Variants in LYPLAL1 observed in about 807,000 individuals in gnomAD.
LYPLAL1 encodes the protein lysophospholipase like 1.
A neutral mutation model predicts 19.7 loss-of-function variants in LYPLAL1; 23 were observed. The ratio of observed to expected loss-of-function variants is 1.17; its 90% confidence interval spans 0.84 to 1.65. The LOEUF (loss-of-function observed/expected upper bound fraction) is 1.65, where lower values mean the gene tolerates loss of function less well. Among genes scored for constraint, LYPLAL1 ranks in the 40% most tolerant of loss-of-function variants. LYPLAL1 has a pLI of 0.00. For missense variants in LYPLAL1, 355 were observed against 279.4 expected, an observed-to-expected ratio of 1.27 and a Z score of -1.93; for synonymous variants, 119 against 96.3, an observed-to-expected ratio of 1.24 and a Z score of -1.38.
chr1:219,181,679 G>C (rs1043257297), intron 2 of LYPLAL1, among the ~76,000 whole-genome samples: 1 of 152,104 alleles, frequency 6.6e-6, no homozygotes, highest in Non-Finnish European at 1.5e-5. Context: ...ATGGGCGTTA[G>C]ATATAGGAAT....
At chr1:219,365,703 C>A in the LYPLAL1 span, among the ~76,000 whole-genome samples, 1,150 of 152,258 alleles carry the variant, frequency 7.6e-3, 21 homozygotes, top group African/African-American at 0.026. Context: ...AAAGGAAAGA[C>A]TATCATATAA....
At chr1:219,232,898 T>A in the LYPLAL1 span, among the ~76,000 whole-genome samples, 1 of 151,532 alleles carries the variant, frequency 6.6e-6, no homozygotes, top group African/African-American at 2.4e-5. Flanking sequence ...CAAGTGTTTG[T>A]GATGATGTGG....
chr1:219,176,238 C>T (rs1248847954), intron 1 of LYPLAL1, among the ~76,000 whole-genome samples: 1 of 152,158 alleles, frequency 6.6e-6, no homozygotes, highest in African/African-American at 2.4e-5. Flanking sequence ...TTTGTTCAGT[C>T]TCTCAGATCA....
chr1:219,324,911 T>A, the LYPLAL1 span, among the ~76,000 whole-genome samples: 1 of 152,178 alleles, frequency 6.6e-6, no homozygotes, highest in Non-Finnish European at 1.5e-5. Flanking sequence ...GCTCCTTGGC[T>A]TTTTTCAAAT....
the LYPLAL1 span, among the ~76,000 whole-genome samples, chr1:219,260,675 G>A: frequency 2.0e-5 from 3 of 148,136 alleles, no homozygotes; most frequent in Non-Finnish European, 4.5e-5. Flanking sequence ...TAATATAGGT[G>A]GCATACACAC....
the LYPLAL1 span, among the ~76,000 whole-genome samples, chr1:219,347,448 G>A: frequency 6.6e-6 from 1 of 152,144 alleles, no homozygotes; most frequent in Non-Finnish European, 1.5e-5. Flanking sequence ...CTGGCAAAAA[G>A]CTGTGAGAAG....
the LYPLAL1 span, among the ~76,000 whole-genome samples, chr1:219,369,429 G>A: frequency 1.3e-5 from 2 of 152,154 alleles, no homozygotes; most frequent in East Asian, 1.9e-4. Context: ...GCATCACCAT[G>A]ACCTGCTAAT....
intron 2 of LYPLAL1, 150 bp from the exon 3 acceptor site, chr1:219,192,932 T>G: frequency 7.1e-6 from 5 of 706,154 alleles, no homozygotes; most frequent in Non-Finnish European, 8.8e-6. Context: ...ACAATATACA[T>G]GAGAGTAGTT....
At chr1:219,273,374 A>G in the LYPLAL1 span, 1 of 152,244 alleles carries the variant, frequency 6.6e-6, no homozygotes, top group Non-Finnish European at 1.5e-5. Flanking sequence ...AATAAACTTC[A>G]TTCATAATCA....
chr1:219,174,257 A>C, intron 1 of LYPLAL1: 3 of 1,339,644 alleles, frequency 2.2e-6, no homozygotes, highest in East Asian at 3.1e-5. Flanking sequence ...TCCCCACAAC[A>C]CACCTCCCCA....
chr1:219,284,776 GT>G, the LYPLAL1 span, among the ~76,000 whole-genome samples: 2 of 152,218 alleles, frequency 1.3e-5, no homozygotes, highest in African/African-American at 2.4e-5. Flanking sequence ...CCACAGGAGA[GT>G]TGGGGCTGGC....
the LYPLAL1 span, among the ~76,000 whole-genome samples, chr1:219,244,922 A>AAC: frequency 2.0e-5 from 3 of 150,376 alleles, no homozygotes; most frequent in African/African-American, 7.3e-5. Context: ...AAAAAAAAAA[A>AAC]AAAAACAAAA....
chr1:219,418,047 C>T, the LYPLAL1 span, among the ~76,000 whole-genome samples: 1 of 152,200 alleles, frequency 6.6e-6, no homozygotes, highest in African/African-American at 2.4e-5. Flanking sequence ...CAAGTAGGAC[C>T]TGATTTCATC....
the LYPLAL1 span, among the ~76,000 whole-genome samples, chr1:219,310,405 AT>A: frequency 6.6e-6 from 1 of 152,192 alleles, no homozygotes; most frequent in African/African-American, 2.4e-5. Flanking sequence ...CCAGATTGGA[AT>A]TTGTGGGTTT....
chr1:219,357,470 G>T, the LYPLAL1 span, among the ~76,000 whole-genome samples: 1 of 152,094 alleles, frequency 6.6e-6, no homozygotes, highest in Non-Finnish European at 1.5e-5. Flanking sequence ...CATCATTAAG[G>T]AAATTAAAAC....
chr1:219,403,726 G>A, the LYPLAL1 span, among the ~76,000 whole-genome samples: 7 of 152,286 alleles, frequency 4.6e-5, no homozygotes, highest in South Asian at 6.2e-4. Context: ...AGACTGTTGC[G>A]TTAATTCCTT....
chr1:219,326,496 G>C, the LYPLAL1 span, among the ~76,000 whole-genome samples: 116 of 152,266 alleles, frequency 7.6e-4, 3 homozygotes, highest in East Asian at 0.021. Context: ...TATAATTCCA[G>C]TGGAGGTTAT....
rs1244604376 is a variant in LYPLAL1, at chr1:219,175,161, GCTGTTA to G, written c.91+1185_91+1190del. The G allele has an allele frequency of 4.4e-6, 4 of 915,802 alleles. No individual in the cohort carries two copies. The African/African-American group carries it at 5.4e-5, about 12-fold the overall frequency. 56.7% of individuals were successfully genotyped at this position (915,802 alleles called of 1,614,324 possible). On this transcript the variant is annotated intron_variant, in intron 1 of 4. Coordinates refer to ENST00000366928, the MANE Select transcript of LYPLAL1 (RefSeq NM_138794.5). ...TCAGCAGCTTGGCCAAGGTCTCTTA[GCTGTTA>G]CTGTGAGTAGTGGCGGATTTGGGAT...
chr1:219,315,393 G>C, the LYPLAL1 span, among the ~76,000 whole-genome samples: 1 of 151,766 alleles, frequency 6.6e-6, no homozygotes, highest in African/African-American at 2.4e-5. Context: ...TTGACTTCCT[G>C]TTTCTAAGAA....
Sources: gnomAD v4.1 joint callset for allele counts (sites outside exome capture counted in the v4.1 genomes callset) on GRCh38, gnomAD v4.1.1 for gene constraint, MANE v1.5 for transcripts, NCBI Gene and HGNC (gene_info 2026-07-23, HGNC 2026-07-21) for gene names.